The following CCDC73 variants were observed in gnomAD, a reference collection of about 807,000 sequenced individuals.
CCDC73 encodes the protein coiled-coil domain containing 73.
In CCDC73, 95 loss-of-function variants were observed where a neutral mutation model predicts 116.5. The ratio of observed to expected loss-of-function variants is 0.82; its 90% CI spans 0.69 to 0.97. CCDC73 has a LOEUF of 0.97. Among genes scored for constraint, CCDC73 ranks in the 50% least tolerant of loss-of-function variants. The pLI is 0.00. For synonymous variants in CCDC73, 398 were observed against 401.3 expected (o/e 0.99, Z 0.10); for missense variants, 1,066 against 1,206.8 (o/e 0.88, Z 1.73).
intron 14 of CCDC73, among the ~76,000 whole-genome samples, chr11:32,623,497 T>A (rs1358907886): frequency 6.6e-6 from 1 of 152,128 alleles, no homozygotes; most frequent in Admixed American, 6.5e-5. Context: ...ACCACCAGTG[T>A]GCACCGCCAT....
intron 14 of CCDC73, among the ~76,000 whole-genome samples, chr11:32,631,485 G>C (rs116068474): frequency 6.6e-6 from 1 of 151,984 alleles, no homozygotes; most frequent in African/African-American, 2.4e-5. Flanking sequence ...TTTCCAATGG[G>C]TGATACTCAA....
chr11:32,754,699 T>C (rs1850316890), intron 2 of CCDC73, among the ~76,000 whole-genome samples: 1 of 152,036 alleles, frequency 6.6e-6, no homozygotes, highest in South Asian at 2.1e-4. Context: ...CAAAATCTCT[T>C]TAAAATACTG....
chr11:32,683,531 C>T lies in CCDC73; in HGVS notation c.429+5G>A, dbSNP rs1343681862. 2.0e-6 allele frequency: 3 copies of T among 1,512,852 alleles called. No individual in the cohort carries two copies. The highest frequency in any genetic ancestry group is 1.8e-6 in the Non-Finnish European group (2 of 1,091,244). 93.7% of individuals were successfully genotyped at this position (1,512,852 alleles called of 1,614,324 possible). On this transcript the variant is annotated splice_donor_5th_base_variant and intron_variant, in intron 7 of 17. Transcript: ENST00000335185. ...GGGGGAAAATATGTTTTGTAATTTCCTTACCATTTCACTCACTTTCTTCTG... is the reference window on the plus strand; with the variant it reads ...GGGGGAAAATATGTTTTGTAATTTCTTTACCATTTCACTCACTTTCTTCTG...
intron 2 of CCDC73, among the ~76,000 whole-genome samples, chr11:32,724,036 C>A (rs1039995272): frequency 6.6e-6 from 1 of 152,026 alleles, no homozygotes; most frequent in African/African-American, 2.4e-5. Flanking sequence ...GTGGCTAACA[C>A]CCATTTTATC....
At position 32,676,031 on chromosome 11, in the gene CCDC73, A is replaced by G. The variant is rs777749890; in HGVS notation, c.430-10T>C. On this transcript the variant is annotated splice_polypyrimidine_tract_variant and intron_variant, in intron 7 of 17. Transcript: ENST00000335185. Reference sequence around the variant, plus strand: ...ACTGGACCTTTTGTTCCTATTTTGAAGAGTAATTTTAAATGTTATACATAT... The same window carrying G: ...ACTGGACCTTTTGTTCCTATTTTGAGGAGTAATTTTAAATGTTATACATAT... 2.5e-6 allele frequency: 4 copies of G among 1,578,736 alleles called. No homozygotes were observed. Among genetic ancestry groups the G allele is most frequent in the Non-Finnish European group, 3.4e-6 (4 of 1,167,852 alleles).
upstream of CCDC73, among the ~76,000 whole-genome samples, chr11:32,798,939 C>A (rs1850749873): frequency 6.7e-6 from 1 of 148,302 alleles, no homozygotes; most frequent in Admixed American, 6.8e-5. Flanking sequence ...GAGACAGAGT[C>A]TCATTTTGTC....
At chr11:32,798,915 T>TGGGGG (rs35135170), upstream of CCDC73, among the ~76,000 whole-genome samples, 14 of 143,174 alleles carry the variant, frequency 9.8e-5, no homozygotes, top group Non-Finnish European at 1.4e-4. Flanking sequence ...TTGTTTGTTT[T>TGGGGG]GGGGGGGGGC....
At chr11:32,774,023 T>G (rs7944538) in intron 1 of CCDC73, among the ~76,000 whole-genome samples, 1 of 152,106 alleles carries the variant, frequency 6.6e-6, no homozygotes, top group Admixed American at 6.5e-5. Context: ...TAGAAGATGA[T>G]AGTAGAAAGT....
intron 9 of CCDC73, among the ~76,000 whole-genome samples, chr11:32,659,702 C>T (rs1339509490): frequency 6.6e-6 from 1 of 152,114 alleles, no homozygotes; most frequent in African/African-American, 2.4e-5. Context: ...AAAACCATAA[C>T]TAAACCACAA....
chr11:32,737,595 G>A (rs1303363390), intron 2 of CCDC73, among the ~76,000 whole-genome samples: 1 of 145,830 alleles, frequency 6.9e-6, no homozygotes, highest in East Asian at 2.0e-4. Context: ...TCCAGCCTGG[G>A]CAACAGAGCA....
At chr11:32,623,122 C>T (rs1413835226) in intron 14 of CCDC73, among the ~76,000 whole-genome samples, 2 of 152,088 alleles carry the variant, frequency 1.3e-5, no homozygotes, top group African/African-American at 4.8e-5. Flanking sequence ...GATTCTCCTG[C>T]CTCAGCCTCC....
At chr11:32,662,731 CT>C in intron 9 of CCDC73, among the ~76,000 whole-genome samples, 1 of 152,224 alleles carries the variant, frequency 6.6e-6, no homozygotes, top group Non-Finnish European at 1.5e-5. Flanking sequence ...GTTGCCATTG[CT>C]TTTGGTGTTT....
intron 2 of CCDC73, among the ~76,000 whole-genome samples, chr11:32,738,918 A>G: frequency 6.6e-6 from 1 of 152,110 alleles, no homozygotes; most frequent in Non-Finnish European, 1.5e-5. Context: ...CCGCACATGT[A>G]TATCCAGGTT....
intron 1 of CCDC73, among the ~76,000 whole-genome samples, chr11:32,777,648 A>G (rs1253457271): frequency 1.3e-5 from 2 of 152,094 alleles, no homozygotes; most frequent in Admixed American, 6.6e-5. Flanking sequence ...TACTATTGAG[A>G]CTTTTTAGAA....
intron 9 of CCDC73, among the ~76,000 whole-genome samples, chr11:32,673,003 T>C (rs1277979029): frequency 6.6e-6 from 1 of 152,192 alleles, no homozygotes; most frequent in Non-Finnish European, 1.5e-5. Context: ...TTAATGGTCT[T>C]CAAACTCTGG....
In CCDC73 at chr11:32,638,828, G is replaced by A. The variant is rs540739238; in HGVS notation, c.1051-2998C>T. On this transcript the variant is annotated intron_variant, in intron 13 of 17. Transcript: ENST00000335185. ...ATGCCAACAGGATGGAATGGGAAGG[G>A]TGGAGATGGGAACCTTATGCTTAAA... Among the ~76,000 whole-genome samples the A allele has an allele frequency of 4.0e-5, 6 of 150,600 alleles. No homozygotes were observed. In the South Asian group the frequency reaches 1.2e-3, roughly 31 times the overall value.
intron 2 of CCDC73, among the ~76,000 whole-genome samples, chr11:32,741,998 T>C (rs774572518): frequency 3.9e-5 from 6 of 152,168 alleles, no homozygotes; most frequent in Non-Finnish European, 8.8e-5. Context: ...TCATCCTTTC[T>C]TATGGCTGCA....
chr11:32,791,991 T>A, intron 1 of CCDC73, among the ~76,000 whole-genome samples: 2 of 145,206 alleles, frequency 1.4e-5, no homozygotes. Context: ...CACACACACA[T>A]ACACACACAC....
the CCDC73 span, chr11:32,829,760 C>T: frequency 1.0e-6 from 1 of 985,324 alleles, no homozygotes; most frequent in African/African-American, 1.7e-5. Flanking sequence ...GAACTGGCGG[C>T]AGGCGGCTGG....
Sources: gnomAD v4.1 joint callset for allele counts (sites outside exome capture counted in the v4.1 genomes callset) on GRCh38, gnomAD v4.1.1 for gene constraint, MANE v1.5 for transcripts, NCBI Gene and HGNC (gene_info 2026-07-23, HGNC 2026-07-21) for gene names.